PODXL2: variants seen among roughly 807,000 people sequenced by gnomAD.
The protein encoded by PODXL2 is podocalyxin like 2.
In PODXL2, 17 loss-of-function variants were observed where a neutral mutation model predicts 53.4. The observed-to-expected ratio is 0.32, with a 90% confidence interval of 0.22 to 0.48. The LOEUF is 0.48. Among genes scored for constraint, PODXL2 ranks in the 20% least tolerant of loss-of-function variants. The pLI is 0.99. For missense variants in PODXL2, 673 were observed against 760.0 expected (o/e 0.89, Z 1.35); for synonymous variants, 311 against 306.7 (o/e 1.01, Z -0.15).
Position 127,659,245 on chromosome 3 carries a change from G to A in PODXL2, c.350-1133G>A, listed in dbSNP as rs190331957. 3.9e-5 allele frequency among the ~76,000 whole-genome samples: 6 copies of A among 152,046 alleles called. No individual in the cohort carries two copies. The East Asian group carries it at 1.2e-3, about 29-fold the overall frequency. ...ACAGTTGTGCCTCTTCCTAACTCTG[G>A]GTAAGAAAGCCTGCCTCCTCCCCTG... On this transcript the variant is annotated intron_variant, in intron 2 of 7. Transcript: ENST00000342480.
intron 4 of PODXL2, 62 bp downstream of exon 4, chr3:127,662,373 C>T: frequency 7.3e-7 from 1 of 1,372,674 alleles, no homozygotes; most frequent in Non-Finnish European, 1.0e-6. Context: ...CAGGGTGGGG[C>T]AGAGGGCAGG....
intron 1 of PODXL2, among the ~76,000 whole-genome samples, chr3:127,635,646 C>T (rs998403592): frequency 6.6e-6 from 1 of 152,176 alleles, no homozygotes; most frequent in Non-Finnish European, 1.5e-5. Flanking sequence ...TGGGAACTTG[C>T]TAGAAATGCA....
At chr3:127,660,232 G>T (rs1347166567) in intron 2 of PODXL2, 146 bp from the exon 3 acceptor site, 9 of 883,812 alleles carry the variant, frequency 1.0e-5, no homozygotes, top group Non-Finnish European at 1.5e-5. Context: ...TCCTCCCACA[G>T]TCTGCTCCCC....
At chr3:127,671,935 A>G (rs2074846491) in intron 7 of PODXL2, among the ~76,000 whole-genome samples, 1 of 152,192 alleles carries the variant, frequency 6.6e-6, no homozygotes, top group Non-Finnish European at 1.5e-5. Flanking sequence ...GTGGTGCCCA[A>G]GGATCAAGGA....
intron 2 of PODXL2, among the ~76,000 whole-genome samples, chr3:127,645,388 T>C (rs1208083771): frequency 6.6e-6 from 1 of 152,230 alleles, no homozygotes; most frequent in Admixed American, 6.5e-5. Flanking sequence ...TCCATCCTGA[T>C]GTGCTAGTGG....
intron 2 of PODXL2, among the ~76,000 whole-genome samples, chr3:127,653,411 C>T (rs929624845): frequency 6.6e-6 from 1 of 152,182 alleles, no homozygotes; most frequent in Non-Finnish European, 1.5e-5. Context: ...CTTTGGGAGG[C>T]CAAGGCAGGC....
At chr3:127,638,654 G>C (rs2074593610) in intron 1 of PODXL2, among the ~76,000 whole-genome samples, 1 of 152,164 alleles carries the variant, frequency 6.6e-6, no homozygotes, top group Admixed American at 6.5e-5. Context: ...GGCGGAGATT[G>C]CAGTGAGCCA....
intron 2 of PODXL2, among the ~76,000 whole-genome samples, chr3:127,643,839 A>G (rs990028766): frequency 2.6e-5 from 4 of 151,570 alleles, no homozygotes; most frequent in African/African-American, 7.3e-5. Flanking sequence ...GGGTTTTGCC[A>G]TGTTTCCCAG....
chr3:127,661,570 G>T (rs1027586064), intron 3 of PODXL2, among the ~76,000 whole-genome samples: 1 of 152,046 alleles, frequency 6.6e-6, no homozygotes, highest in African/African-American at 2.4e-5. Context: ...CTGAGTAGCT[G>T]GGATTACAGG....
chr3:127,639,363 G>C lies in PODXL2; in HGVS notation c.189G>C (p.Glu63Asp), dbSNP rs924090755. 4 of 1,614,090 alleles carry C rather than the reference G, an allele frequency of 2.5e-6. No homozygotes were observed. The highest frequency in any genetic ancestry group is 3.4e-6 in the Non-Finnish European group (4 of 1,180,018). Residue 63 changes from glutamate to aspartate, a missense_variant, in exon 2 of 8, where the codon GAG becomes GAC. Physicochemically the swap from Glu to Asp is conservative, Grantham distance 45. This residue lies in a region of PODXL2 where 588 missense variants were observed against 668.3 expected (regional missense o/e 0.88). Coordinates refer to ENST00000342480, the MANE Select transcript of PODXL2 (RefSeq NM_015720.4). ...PTGLEPLDSE[E>D]PSETMGLGAG... is the part of the protein sequence containing the mutation. Reference sequence around the variant, plus strand: ...GCTTGGAGCCACTGGACTCAGAGGAGCCTAGTGAGACCATGGGCCTGGGAG... The same window carrying C: ...GCTTGGAGCCACTGGACTCAGAGGACCCTAGTGAGACCATGGGCCTGGGAG...
chr3:127,668,553 G>A lies in PODXL2; in HGVS notation c.1319G>A (p.Ser440Asn). 6.3e-7 allele frequency: 1 copy of A among 1,575,770 alleles called. No homozygotes were observed. The highest frequency in any genetic ancestry group is 8.6e-7 in the Non-Finnish European group (1 of 1,160,678). The change falls in exon 5 of 8, where the codon AGC (serine) becomes AAC (asparagine). Residue 440 changes from serine (S) to asparagine (N), a missense_variant. Transcript: ENST00000342480. ...GAWHISLSKP[S>N]EKEQHLLMTL... Reference sequence around the variant, plus strand: ...TGGCACATCTCTCTGAGCAAGCCCAGCGAGAAGGAGCAGCACCTTCTCATG... The same window carrying A: ...TGGCACATCTCTCTGAGCAAGCCCAACGAGAAGGAGCAGCACCTTCTCATG...
In PODXL2 at chr3:127,672,493, CGCAGGCCGA is replaced by C. The variant is rs1427390622; in HGVS notation, c.*15_*23del. 2.1e-6 allele frequency: 3 copies of C among 1,462,402 alleles called. No individual in the cohort carries two copies. Among genetic ancestry groups the C allele is most frequent in the Non-Finnish European group, 2.7e-6 (3 of 1,104,712 alleles). 90.6% of individuals were successfully genotyped at this position (1,462,402 alleles called of 1,614,324 possible). A position where few individuals can be genotyped will look rare whatever the true frequency, so the allele number is the denominator to read the frequency against. ...CACGCACCTGTGAGCGCAGCCGAGG[CGCAGGCCGA>C]GTGGGCCGCCAGGACCAAGCGAGGT... On this transcript the variant is annotated 3_prime_UTR_variant, in exon 8 of 8. Transcript: ENST00000342480.
At chr3:127,646,346 A>C (rs1192067825) in intron 2 of PODXL2, among the ~76,000 whole-genome samples, 3 of 151,684 alleles carry the variant, frequency 2.0e-5, no homozygotes, top group African/African-American at 7.3e-5. Flanking sequence ...ACTAGCACTA[A>C]TGTCATATTC....
At position 127,671,509 on chromosome 3, in the gene PODXL2, C is replaced by T. The variant is rs1274639080; in HGVS notation, c.1501C>T (p.Leu501Phe). ...ASQVRSDYGTLFVVLVVIGAI... is the reference protein window; with the variant it reads ...ASQVRSDYGTFFVVLVVIGAI... ...CCAGGTGCGCAGCGACTACGGCACGCTCTTCGTGGTGCTGGTGGTCATTGG... is the reference window on the plus strand; with the variant it reads ...CCAGGTGCGCAGCGACTACGGCACGTTCTTCGTGGTGCTGGTGGTCATTGG... Residue 501 changes from leucine to phenylalanine, a missense_variant, in exon 7 of 8, where the codon CTC becomes TTC. Coordinates refer to ENST00000342480, the MANE Select transcript of PODXL2 (RefSeq NM_015720.4). 3 of 1,614,064 alleles carry T rather than the reference C, an allele frequency of 1.9e-6. No individual in the cohort carries two copies. The highest frequency in any genetic ancestry group is 2.5e-6 in the Non-Finnish European group (3 of 1,180,034).
chr3:127,660,779 A>G lies in PODXL2; in HGVS notation c.751A>G (p.Thr251Ala), dbSNP rs995187422. 1.2e-6 allele frequency: 2 copies of G among 1,614,096 alleles called. No homozygotes were observed. Among genetic ancestry groups the G allele is most frequent in the East Asian group, 2.2e-5 (1 of 44,880 alleles). Reference sequence around the variant, plus strand: ...CTTGCTGCTGCCTTCAGTCACCCCAACTACAGTGACTCCGGGGGACCAGGA... The same window carrying G: ...CTTGCTGCTGCCTTCAGTCACCCCAGCTACAGTGACTCCGGGGGACCAGGA... Reference protein sequence around the residue: ...PSLLLPSVTPTTVTPGDQDST... With the variant: ...PSLLLPSVTPATVTPGDQDST... The change falls in exon 3 of 8, where the codon ACT (threonine) becomes GCT (alanine). Residue 251 changes from threonine (T) to alanine (A), a missense_variant. Physicochemically the swap from Thr to Ala is moderately conservative, Grantham distance 58 (BLOSUM62 0). Around this residue, in one of 3 missense-constraint regions of PODXL2, gnomAD observed 588 missense variants for 668.3 expected, o/e 0.88. Transcript: ENST00000342480.
chr3:127,632,085 C>T (rs958234844), intron 1 of PODXL2, among the ~76,000 whole-genome samples: 4 of 152,210 alleles, frequency 2.6e-5, no homozygotes, highest in Non-Finnish European at 5.9e-5. Context: ...GGGAAGGGGC[C>T]TAGCAAACAC....
At chr3:127,643,138 C>G (rs1481477926) in intron 2 of PODXL2, among the ~76,000 whole-genome samples, 1 of 152,146 alleles carries the variant, frequency 6.6e-6, no homozygotes, top group Non-Finnish European at 1.5e-5. Flanking sequence ...AAACATTTTT[C>G]CAGTTTGTCA....
chr3:127,632,265 A>T (rs1203218924), intron 1 of PODXL2, among the ~76,000 whole-genome samples: 2 of 152,192 alleles, frequency 1.3e-5, no homozygotes, highest in African/African-American at 4.8e-5. Context: ...AGACGGCAGC[A>T]GCCTCCCCGC....
chr3:127,648,657 C>T (rs2074670267), intron 2 of PODXL2, among the ~76,000 whole-genome samples: 1 of 151,638 alleles, frequency 6.6e-6, no homozygotes, highest in African/African-American at 2.4e-5. Context: ...CACTCTTTGC[C>T]CAGGCTGGAG....
Sources: gnomAD v4.1 joint callset for allele counts (sites outside exome capture counted in the v4.1 genomes callset) on GRCh38, gnomAD v4.1.1 for gene constraint, gnomAD v4.1.1 regional missense constraint, MANE v1.5 for transcripts, NCBI Gene and HGNC (gene_info 2026-07-23, HGNC 2026-07-21) for gene names.